Variants in HDX observed in about 807,000 individuals in gnomAD.
HDX encodes highly divergent homeobox.
Under a neutral mutation model 45.2 loss-of-function variants are expected in HDX, and 19 were observed. The ratio of observed to expected loss-of-function variants is 0.42; its 90% CI spans 0.29 to 0.62. The LOEUF (loss-of-function observed/expected upper bound fraction) is 0.62, where lower values mean the gene tolerates loss of function less well. HDX is among the 20% of genes least tolerant of loss of function. HDX has a pLI of 0.20. For synonymous variants in HDX, 188 were observed against 172.8 expected (o/e 1.09, Z -0.69); for missense variants, 532 against 493.9 (o/e 1.08, Z -0.73).
At chrX:84,405,664 A>ATATATATGTGTGTGTG (rs761538089) in intron 5 of HDX, among the ~76,000 whole-genome samples, 1 of 87,290 alleles carries the variant, frequency 1.1e-5, no homozygotes, top group African/African-American at 4.1e-5. Context: ...ATATATATAT[A>ATATATATGTGTGTGTG]TGTGTGTGTG....
chrX:84,472,641 G>GA (rs2040473608), intron 3 of HDX, among the ~76,000 whole-genome samples: 1 of 110,733 alleles, frequency 9.0e-6, no homozygotes, highest in African/African-American at 3.3e-5. Flanking sequence ...GTCCTTTAAG[G>GA]AAAAAAATAA....
chrX:84,377,267 C>A (rs1813872446), intron 5 of HDX, among the ~76,000 whole-genome samples: 1 of 111,183 alleles, frequency 9.0e-6, no homozygotes, highest in African/African-American at 3.3e-5. Flanking sequence ...AACTCCTTCC[C>A]AAAAAGGATT....
At chrX:84,346,396 G>A (rs779038729) in intron 6 of HDX, among the ~76,000 whole-genome samples, 1 of 111,415 alleles carries the variant, frequency 9.0e-6, no homozygotes, top group South Asian at 3.7e-4. Flanking sequence ...AAATTCACAT[G>A]GAAAGAAAAT....
intron 5 of HDX, among the ~76,000 whole-genome samples, chrX:84,438,397 T>C (rs138715077): frequency 1.1e-3 from 127 of 111,298 alleles, no homozygotes; most frequent in African/African-American, 4.1e-3. Flanking sequence ...TATTTACTTA[T>C]TTTTCTAATT....
intron 5 of HDX, among the ~76,000 whole-genome samples, chrX:84,379,470 C>T (rs748211791): frequency 9.0e-6 from 1 of 110,665 alleles, no homozygotes; most frequent in East Asian, 2.8e-4. Context: ...CAAGGATAGA[C>T]CATATGTGTA....
intron 3 of HDX, 23 bp downstream of exon 3, chrX:84,475,228 G>T (rs897654265): frequency 1.7e-6 from 2 of 1,150,211 alleles, no homozygotes; most frequent in Non-Finnish European, 2.3e-6. Context: ...CTTTAAATTT[G>T]AGTGTAAGAC....
intron 5 of HDX, among the ~76,000 whole-genome samples, chrX:84,433,067 G>T (rs1230448815): frequency 9.0e-6 from 1 of 111,187 alleles, no homozygotes; most frequent in African/African-American, 3.3e-5. Flanking sequence ...AAATATTCTG[G>T]ATCTTAATCT....
intron 1 of HDX, among the ~76,000 whole-genome samples, chrX:84,498,831 A>G (rs2041062377): frequency 3.0e-5 from 1 of 33,151 alleles, no homozygotes; most frequent in Non-Finnish European, 6.2e-5. Context: ...GCACACACAC[A>G]CACACACACA....
chrX:84,371,831 T>TTC (rs1439159759), intron 5 of HDX, among the ~76,000 whole-genome samples: 1 of 111,513 alleles, frequency 9.0e-6, no homozygotes, highest in African/African-American at 3.3e-5. Flanking sequence ...TGCTGCGAAG[T>TTC]TCTAGAATTG....
chrX:84,436,288 G>T (rs1328961727), intron 5 of HDX, among the ~76,000 whole-genome samples: 3 of 66,344 alleles, frequency 4.5e-5, no homozygotes, highest in Non-Finnish European at 8.0e-5. Context: ...TGGGGTGGGG[G>T]GAGGGGGGAG....
intron 9 of HDX, among the ~76,000 whole-genome samples, chrX:84,327,320 C>G (rs920964877): frequency 7.2e-5 from 8 of 111,789 alleles, no homozygotes; most frequent in Non-Finnish European, 1.5e-4. Context: ...TAATCCCTGA[C>G]AGTTCTAGCT....
intron 1 of HDX, among the ~76,000 whole-genome samples, chrX:84,491,165 G>A (rs2040886043): frequency 9.0e-6 from 1 of 111,506 alleles, no homozygotes; most frequent in Non-Finnish European, 1.9e-5. Flanking sequence ...CAAAAAATAT[G>A]GATGGTAGGT....
chrX:84,469,032 A>G lies in HDX; in HGVS notation c.691T>C (p.Tyr231His). The G allele has an allele frequency of 1.7e-6, 2 of 1,211,452 alleles. No individual in the cohort carries two copies. Among genetic ancestry groups the G allele is most frequent in the South Asian group, 1.8e-5 (1 of 56,980 alleles). ...KIEPVGIQRS[Y>H]KPEHTGPALH... ...GCTGGGCCTGTGTGTTCAGGCTTAT[A>G]TGACCTTTGAATCCCAACTGGTTCA... is the stretch of plus-strand genomic sequence containing the variant. The change falls in exon 4 of 11, where the codon TAT (tyrosine) becomes CAT (histidine). Residue 231 changes from tyrosine (Y) to histidine (H), a missense_variant. Transcript: ENST00000373177.
chrX:84,375,460 G>A (rs956049333), intron 5 of HDX, among the ~76,000 whole-genome samples: 2 of 111,839 alleles, frequency 1.8e-5, no homozygotes, highest in Non-Finnish European at 3.8e-5. Flanking sequence ...GTTTATTGCG[G>A]CATTATTCAC....
chrX:84,340,306 A>G (rs187894808), intron 7 of HDX, among the ~76,000 whole-genome samples: 1 of 111,398 alleles, frequency 9.0e-6, no homozygotes, highest in Non-Finnish European at 1.9e-5. Context: ...TTTCTAGAAT[A>G]TTTTAATGTG....
chrX:84,419,321 C>T (rs2039193103), intron 5 of HDX, among the ~76,000 whole-genome samples: 1 of 108,968 alleles, frequency 9.2e-6, no homozygotes, highest in African/African-American at 3.4e-5. Flanking sequence ...AAAGTGTGAA[C>T]CCCAGGCCAG....
chrX:84,395,532 C>A lies in HDX; in HGVS notation c.1306-33920G>T, dbSNP rs953377670. Among the ~76,000 whole-genome samples the A allele has an allele frequency of 1.8e-4, 20 of 110,946 alleles. No homozygotes were observed. In the Admixed American group the frequency reaches 1.9e-3, roughly 11 times the overall value. On this transcript the variant is annotated intron_variant, in intron 5 of 10. Transcript: ENST00000373177. ...CTCTTTCTTTGACTTTAGAAAGTTTCGCTAAATTGTGCCATGGAAAAGACC... is the reference window on the plus strand; with the variant it reads ...CTCTTTCTTTGACTTTAGAAAGTTTAGCTAAATTGTGCCATGGAAAAGACC...
At chrX:84,365,609 G>A (rs754118106) in intron 5 of HDX, among the ~76,000 whole-genome samples, 1 of 111,411 alleles carries the variant, frequency 9.0e-6, no homozygotes, top group East Asian at 2.8e-4. Context: ...GAAATAAATA[G>A]GCATTGTGTT....
Position 84,469,091 on chromosome X carries a change from TG to T in HDX, c.631del (p.Gln211LysfsTer106). 1 of 1,211,832 alleles carries T rather than the reference TG, an allele frequency of 8.3e-7. No homozygotes were observed. The highest frequency in any genetic ancestry group is 3.0e-5 in the East Asian group (1 of 33,834). ...SVQASEMTVP[Q>X]KPSVCHRPCK... ...AGGTCGGTGGCACACAGAAGGCTTT[TG>T]AGGTACTGTCATTTCAGAAGCTTGT... is the stretch of plus-strand genomic sequence containing the variant. On this transcript the variant is annotated frameshift_variant, in exon 4 of 11. Coordinates refer to ENST00000373177, the MANE Select transcript of HDX (RefSeq NM_001177479.2). LOFTEE classifies it high-confidence loss of function.
Sources: gnomAD v4.1 joint callset for allele counts (sites outside exome capture counted in the v4.1 genomes callset) on GRCh38, gnomAD v4.1.1 for gene constraint, MANE v1.5 for transcripts, NCBI Gene and HGNC (gene_info 2026-07-23, HGNC 2026-07-21) for gene names.